SAMD12: variants seen among roughly 807,000 people sequenced by gnomAD.
SAMD12 encodes the protein sterile alpha motif domain containing 12, also known as sterile alpha motif domain-containing protein 12.
A neutral mutation model predicts 15.0 loss-of-function variants in SAMD12; 9 were observed. The observed-to-expected ratio is 0.60, with a 90% CI of 0.36 to 1.05. The LOEUF (loss-of-function observed/expected upper bound fraction) is 1.05, where lower values mean the gene tolerates loss of function less well. SAMD12 is among the 50% of genes least tolerant of loss of function. The pLI is 0.01. For synonymous variants in SAMD12, 86 were observed against 90.1 expected (o/e 0.96, Z 0.25); for missense variants, 230 against 234.2 (o/e 0.98, Z 0.12).
chr8:118,449,899 A>G (rs948352558), intron 2 of SAMD12, among the ~76,000 whole-genome samples: 33 of 152,082 alleles, frequency 2.2e-4, no homozygotes, highest in African/African-American at 7.2e-4. Flanking sequence ...GGGCAAAGGT[A>G]TGTTTCTCTT....
the SAMD12 span, among the ~76,000 whole-genome samples, chr8:118,181,309 T>C: frequency 1.3e-5 from 2 of 152,248 alleles, no homozygotes; most frequent in Admixed American, 6.5e-5. Flanking sequence ...CTCTATTTTC[T>C]CATCTATAAA....
intron 4 of SAMD12, among the ~76,000 whole-genome samples, chr8:118,251,372 TC>T (rs776134487): frequency 8.5e-5 from 13 of 152,178 alleles, no homozygotes; most frequent in Middle Eastern, 3.4e-3. Context: ...AATCAGGGCA[TC>T]AAAGCCCGCC....
intron 4 of SAMD12, among the ~76,000 whole-genome samples, chr8:118,203,386 G>C (rs1405129268): frequency 6.8e-6 from 1 of 147,450 alleles, no homozygotes; most frequent in East Asian, 1.9e-4. Context: ...GTAACAACTT[G>C]TGTGTGTGTG....
downstream of SAMD12, among the ~76,000 whole-genome samples, chr8:118,185,629 G>C (rs1819230143): frequency 6.6e-6 from 1 of 152,166 alleles, no homozygotes; most frequent in Admixed American, 6.5e-5. Flanking sequence ...GAAGTAGTGT[G>C]CTACAAAGGG....
At chr8:118,331,655 A>T (rs1014779567) in intron 4 of SAMD12, among the ~76,000 whole-genome samples, 7 of 152,248 alleles carry the variant, frequency 4.6e-5, no homozygotes, top group African/African-American at 1.4e-4. Context: ...ATTAACCAAG[A>T]GTGTGGAAAT....
intron 3 of SAMD12, among the ~76,000 whole-genome samples, chr8:118,421,057 T>G (rs1465533707): frequency 6.6e-6 from 1 of 152,212 alleles, no homozygotes; most frequent in Non-Finnish European, 1.5e-5. Flanking sequence ...TAAACCCAGT[T>G]TAGAAGAATC....
chr8:118,554,965 G>C (rs1826480697), intron 2 of SAMD12, among the ~76,000 whole-genome samples: 1 of 152,072 alleles, frequency 6.6e-6, no homozygotes, highest in Non-Finnish European at 1.5e-5. Flanking sequence ...TAACTCCTCT[G>C]TTTCTCTGGA....
intron 3 of SAMD12, among the ~76,000 whole-genome samples, chr8:118,407,349 T>TCG (rs1821184148): frequency 6.6e-6 from 1 of 152,296 alleles, no homozygotes; most frequent in South Asian, 2.1e-4. Flanking sequence ...TTTTCAATAG[T>TCG]CGCCATCCTA....
chr8:118,536,018 A>G (rs1449372903), intron 2 of SAMD12, among the ~76,000 whole-genome samples: 1 of 152,160 alleles, frequency 6.6e-6, no homozygotes, highest in Non-Finnish European at 1.5e-5. Flanking sequence ...AAATGCAGAA[A>G]TCACCTGTCT....
intron 2 of SAMD12, among the ~76,000 whole-genome samples, chr8:118,553,732 A>G (rs1373681521): frequency 1.3e-5 from 2 of 151,658 alleles, no homozygotes; most frequent in Non-Finnish European, 2.9e-5. Flanking sequence ...AACTGCCATC[A>G]GAGTGAACAG....
At chr8:118,476,301 A>G (rs1823959116) in intron 2 of SAMD12, among the ~76,000 whole-genome samples, 1 of 152,230 alleles carries the variant, frequency 6.6e-6, no homozygotes, top group South Asian at 2.1e-4. Flanking sequence ...ATCCTGGACC[A>G]TGCAAATAAG....
chr8:118,174,938 A>G, the SAMD12 span, among the ~76,000 whole-genome samples: 3 of 152,024 alleles, frequency 2.0e-5, no homozygotes, highest in East Asian at 1.9e-4. Flanking sequence ...TTATCTCTAA[A>G]TAGTTCAGCA....
At chr8:118,355,714 C>T (rs919082389) in intron 4 of SAMD12, among the ~76,000 whole-genome samples, 6 of 152,090 alleles carry the variant, frequency 3.9e-5, no homozygotes, top group Non-Finnish European at 5.9e-5. Flanking sequence ...AAATGATTCT[C>T]CAACCAGCTA....
At chr8:118,260,712 G>A (rs1056339015) in intron 4 of SAMD12, among the ~76,000 whole-genome samples, 2 of 152,064 alleles carry the variant, frequency 1.3e-5, no homozygotes, top group Admixed American at 6.6e-5. Flanking sequence ...ATCCTCTTTA[G>A]CCACCTCCTT....
At chr8:118,506,441 C>T (rs1824922782) in intron 2 of SAMD12, among the ~76,000 whole-genome samples, 3 of 152,126 alleles carry the variant, frequency 2.0e-5, no homozygotes, top group African/African-American at 7.2e-5. Flanking sequence ...TTCTGACAGT[C>T]TCTGTCTTGC....
chr8:118,222,773 G>A (rs1025597644), intron 4 of SAMD12, among the ~76,000 whole-genome samples: 7 of 152,032 alleles, frequency 4.6e-5, no homozygotes, highest in Admixed American at 1.3e-4. Flanking sequence ...CCAAAGCGCT[G>A]GGATTACAAG....
Position 118,379,225 on chromosome 8 carries a change from C to T in SAMD12, c.*192G>A. On this transcript the variant is annotated 3_prime_UTR_variant, in exon 4 of 4. Coordinates refer to ENST00000314727, the MANE Select transcript of SAMD12 (RefSeq NM_207506.3). ...ACAGTTGTGCAGGCTGCACATTATACAACTCTAGTGAGTGCAATCGTACCC... is the reference window on the plus strand; with the variant it reads ...ACAGTTGTGCAGGCTGCACATTATATAACTCTAGTGAGTGCAATCGTACCC... 1 of 1,407,922 alleles carries T rather than the reference C, an allele frequency of 7.1e-7. No homozygotes were observed. The highest frequency in any genetic ancestry group is 9.2e-7 in the Non-Finnish European group (1 of 1,083,546). The allele number at this position is 1,407,922 out of a possible 1,614,324, so 87.2% of individuals were successfully genotyped here.
At chr8:118,143,986 C>T in the SAMD12 span, among the ~76,000 whole-genome samples, 64 of 152,206 alleles carry the variant, frequency 4.2e-4, no homozygotes, top group African/African-American at 1.0e-3. Flanking sequence ...AAGGTGTTGG[C>T]GGGGCTGTGT....
chr8:118,432,304 A>ATT (rs71307458), intron 3 of SAMD12, among the ~76,000 whole-genome samples: 2 of 151,846 alleles, frequency 1.3e-5, no homozygotes, highest in Non-Finnish European at 2.9e-5. Flanking sequence ...ATGCTTTGTA[A>ATT]TTTTTTGTGT....
Sources: gnomAD v4.1 joint callset for allele counts (sites outside exome capture counted in the v4.1 genomes callset) on GRCh38, gnomAD v4.1.1 for gene constraint, MANE v1.5 for transcripts, NCBI Gene and HGNC (gene_info 2026-07-23, HGNC 2026-07-21) for gene names.